Variants in CAMK2D observed in about 807,000 individuals in gnomAD.
CAMK2D encodes calcium/calmodulin dependent protein kinase II delta, also known as calcium/calmodulin-dependent protein kinase type II subunit delta.
CAMK2D carries 37 observed loss-of-function variants against 84.0 expected under a neutral mutation model. The ratio of observed to expected loss-of-function variants is 0.44; its 90% CI spans 0.34 to 0.58. CAMK2D has a LOEUF of 0.58. Among genes scored for constraint, CAMK2D ranks in the 20% least tolerant of loss-of-function variants. CAMK2D has a pLI of 0.02. For synonymous variants in CAMK2D, 202 were observed against 212.5 expected (o/e 0.95, Z 0.43); for missense variants, 448 against 652.5 (o/e 0.69, Z 3.41).
At chr4:113,681,392 C>T (rs979350253) in intron 2 of CAMK2D, among the ~76,000 whole-genome samples, 3 of 152,164 alleles carry the variant, frequency 2.0e-5, no homozygotes, top group Admixed American at 1.3e-4. Context: ...CTCAGCACTT[C>T]TCTCTCCTGC....
chr4:113,604,286 A>G (rs1476100430), intron 4 of CAMK2D, among the ~76,000 whole-genome samples: 1 of 152,142 alleles, frequency 6.6e-6, no homozygotes, highest in East Asian at 1.9e-4. Flanking sequence ...TATATTTAAA[A>G]TGTGCATTTT....
chr4:113,565,235 T>C (rs181211399), intron 4 of CAMK2D, among the ~76,000 whole-genome samples: 2 of 152,308 alleles, frequency 1.3e-5, no homozygotes, highest in Non-Finnish European at 2.9e-5. Context: ...GAAGTGAAGC[T>C]GGGTGGCCAT....
chr4:113,749,003 G>A (rs1024258524), intron 2 of CAMK2D, among the ~76,000 whole-genome samples: 2 of 151,530 alleles, frequency 1.3e-5, no homozygotes, highest in Non-Finnish European at 1.5e-5. Context: ...ATTCATCATG[G>A]ATACAATTTC....
At chr4:113,633,607 A>G (rs1035343100) in intron 3 of CAMK2D, among the ~76,000 whole-genome samples, 2 of 152,176 alleles carry the variant, frequency 1.3e-5, no homozygotes, top group African/African-American at 4.8e-5. Context: ...TCATTGCTAC[A>G]ACTGTCATTT....
At position 113,517,602 on chromosome 4, in the gene CAMK2D, T is replaced by C; in HGVS notation, c.657A>G (p.Gln219=). ...CCTTGATCTGCTGATAGAGTCTGTG[T>C]TGGTCTTCATCCCAGAAGGGTGGAT... The part of the protein sequence containing the change: ...VGYPPFWDED[Q]HRLYQQIKAG... The change falls in exon 9 of 21, where the codon CAA becomes CAG. Residue 219 remains glutamine (Q), a synonymous_variant. Transcript: ENST00000511664. The C allele has an allele frequency of 1.3e-6, 2 of 1,592,026 alleles. No homozygotes were observed. Among genetic ancestry groups the C allele is most frequent in the Non-Finnish European group, 1.7e-6 (2 of 1,160,306 alleles).
chr4:113,761,384 C>T lies in CAMK2D; in HGVS notation c.-316G>A. On this transcript the variant is annotated 5_prime_UTR_variant, in exon 1 of 21. Coordinates refer to ENST00000511664, the MANE Select transcript of CAMK2D (RefSeq NM_001321571.2). ...GTCCCCAAATGCAGGGGGTAAAGTACTCAAGAAGAGGGGGCCGGGAAATGG... is the reference window on the plus strand; with the variant it reads ...GTCCCCAAATGCAGGGGGTAAAGTATTCAAGAAGAGGGGGCCGGGAAATGG... The T allele has an allele frequency of 1.5e-6, 2 of 1,292,884 alleles. No individual in the cohort carries two copies. Among genetic ancestry groups the T allele is most frequent in the Non-Finnish European group, 2.0e-6 (2 of 1,011,664 alleles). 80.1% of individuals were successfully genotyped at this position (1,292,884 alleles called of 1,614,324 possible).
chr4:113,500,993 G>A (rs2098033312), intron 15 of CAMK2D, among the ~76,000 whole-genome samples: 2 of 152,040 alleles, frequency 1.3e-5, no homozygotes, highest in African/African-American at 2.4e-5. Flanking sequence ...CCTTTATAGG[G>A]AGAGAAAGCA....
chr4:113,641,700 G>A (rs1014485458), intron 3 of CAMK2D, among the ~76,000 whole-genome samples: 5 of 152,180 alleles, frequency 3.3e-5, no homozygotes, highest in South Asian at 4.2e-4. Context: ...CAATCACCTG[G>A]GTGCTTGATT....
At position 113,454,447 on chromosome 4, in the gene CAMK2D, G is replaced by C. The variant is rs780842680; in HGVS notation, c.*98C>G. ...GAAACATGCATGAAGAGGAGGAGAG[G>C]ACGGCCCAGGGTCACCATCCAGGTG... On this transcript the variant is annotated 3_prime_UTR_variant, in exon 21 of 21. Coordinates refer to ENST00000511664, the MANE Select transcript of CAMK2D (RefSeq NM_001321571.2). The C allele has an allele frequency of 9.0e-6, 7 of 774,558 alleles. No individual in the cohort carries two copies. The highest frequency in any genetic ancestry group is 1.7e-5 in the Non-Finnish European group (7 of 414,436). The allele number at this position is 774,558 out of a possible 1,614,324, so 48.0% of individuals were successfully genotyped here. A position where few individuals can be genotyped will look rare whatever the true frequency, so the allele number is the denominator to read the frequency against.
At chr4:113,696,721 T>C (rs950763996) in intron 2 of CAMK2D, among the ~76,000 whole-genome samples, 3 of 152,122 alleles carry the variant, frequency 2.0e-5, no homozygotes, top group Non-Finnish European at 4.4e-5. Flanking sequence ...CTAAGCACTT[T>C]AATAGATTAC....
At chr4:113,649,539 G>C (rs1334264357) in intron 3 of CAMK2D, among the ~76,000 whole-genome samples, 1 of 152,118 alleles carries the variant, frequency 6.6e-6, no homozygotes, top group African/African-American at 2.4e-5. Context: ...GCAAAATTCT[G>C]TTCACCATCC....
chr4:113,590,380 G>A (rs2098863625), intron 4 of CAMK2D, among the ~76,000 whole-genome samples: 2 of 152,112 alleles, frequency 1.3e-5, no homozygotes, highest in Admixed American at 1.3e-4. Context: ...AAAAAAGTAT[G>A]TTATTTAGGA....
At chr4:113,528,258 T>TA (rs1339045321) in intron 8 of CAMK2D, among the ~76,000 whole-genome samples, 8 of 152,184 alleles carry the variant, frequency 5.3e-5, no homozygotes, top group African/African-American at 1.9e-4. Flanking sequence ...AACTATCACT[T>TA]ACTGTATTTA....
intron 17 of CAMK2D, among the ~76,000 whole-genome samples, chr4:113,462,916 G>T (rs961660554): frequency 3.3e-5 from 5 of 152,080 alleles, no homozygotes; most frequent in African/African-American, 1.2e-4. Context: ...ATCTAACAAG[G>T]ATATAACAGC....
At position 113,527,646 on chromosome 4, in the gene CAMK2D, G is replaced by A. The variant is rs1043078040; in HGVS notation, c.601+3570C>T. On this transcript the variant is annotated intron_variant, in intron 8 of 20. Transcript: ENST00000511664. ...CTGCACAGCCAGAGAAGAATCCCTA[G>A]CATAAACTATTAGCTTTTTGGGTTT... 6.6e-4 allele frequency among the ~76,000 whole-genome samples: 101 copies of A among 152,020 alleles called. 1 individual carries two copies. Among genetic ancestry groups the A allele is most frequent in the African/African-American group, 2.4e-3 (98 of 41,378 alleles).
intron 3 of CAMK2D, among the ~76,000 whole-genome samples, chr4:113,641,918 G>A (rs1241917779): frequency 2.0e-5 from 3 of 152,104 alleles, no homozygotes; most frequent in African/African-American, 7.2e-5. Flanking sequence ...GCTGAGGCAG[G>A]AGAATCACTT....
At chr4:113,649,423 A>G (rs187452959) in intron 3 of CAMK2D, among the ~76,000 whole-genome samples, 1 of 152,348 alleles carries the variant, frequency 6.6e-6, no homozygotes, top group East Asian at 1.9e-4. Context: ...GCCAATCATT[A>G]CAGGTTTTCA....
chr4:113,464,665 TTAAA>T (rs1394185628), intron 17 of CAMK2D, among the ~76,000 whole-genome samples: 1 of 152,184 alleles, frequency 6.6e-6, no homozygotes. Context: ...TTTATAAACT[TTAAA>T]TAAGCATTAA....
chr4:113,632,424 T>C (rs2099093520), intron 3 of CAMK2D, among the ~76,000 whole-genome samples: 1 of 152,068 alleles, frequency 6.6e-6, no homozygotes, highest in African/African-American at 2.4e-5. Flanking sequence ...GGTTTCATTA[T>C]GTTGGTCAGG....
Sources: gnomAD v4.1 joint callset for allele counts (sites outside exome capture counted in the v4.1 genomes callset) on GRCh38, gnomAD v4.1.1 for gene constraint, MANE v1.5 for transcripts, NCBI Gene and HGNC (gene_info 2026-07-23, HGNC 2026-07-21) for gene names.